ALDH1A2: variants seen among roughly 807,000 people sequenced by gnomAD.
The protein encoded by ALDH1A2 is retinal dehydrogenase 2.
Under a neutral mutation model 60.3 loss-of-function variants are expected in ALDH1A2, and 27 were observed. The ratio of observed to expected loss-of-function variants is 0.45; its 90% CI spans 0.33 to 0.62. The LOEUF (loss-of-function observed/expected upper bound fraction) is 0.62. Ranked by LOEUF, ALDH1A2 falls within the 20% of genes least tolerant of loss-of-function variation. The pLI is 0.02. For missense variants in ALDH1A2, 581 were observed against 643.8 expected, an observed-to-expected ratio of 0.90 and a Z score of 1.06; for synonymous variants, 289 against 232.4, an observed-to-expected ratio of 1.24 and a Z score of -2.21.
chr15:58,052,461 A>T (rs1896798917), intron 1 of ALDH1A2, among the ~76,000 whole-genome samples: 1 of 151,904 alleles, frequency 6.6e-6, no homozygotes, highest in Non-Finnish European at 1.5e-5. Flanking sequence ...ACCAGGATTT[A>T]TTTTTTATTT....
At chr15:58,006,902 T>C (rs1177300983) in intron 4 of ALDH1A2, among the ~76,000 whole-genome samples, 2 of 151,272 alleles carry the variant, frequency 1.3e-5, no homozygotes, top group Non-Finnish European at 3.0e-5. Flanking sequence ...GTCTGTTTAG[T>C]GCCACATTTT....
At chr15:57,990,800 T>G (rs924455067) in intron 7 of ALDH1A2, among the ~76,000 whole-genome samples, 1 of 136,730 alleles carries the variant, frequency 7.3e-6, no homozygotes, top group Admixed American at 8.5e-5. Context: ...CGCTTGAACC[T>G]GGGGGGCGGA....
intron 1 of ALDH1A2, among the ~76,000 whole-genome samples, chr15:58,024,783 AT>A (rs1896032282): frequency 6.6e-6 from 1 of 152,204 alleles, no homozygotes; most frequent in South Asian, 2.1e-4. Flanking sequence ...AGAACAGACC[AT>A]ATGTTGGACC....
rs114474932 is a variant in ALDH1A2 at position 57,992,739 on chromosome 15, C to T, written c.764G>A (p.Gly255Asp). The T allele has an allele frequency of 1.3e-4, 217 of 1,614,142 alleles. No individual in the cohort carries two copies. The East Asian group carries it at 4.8e-3, about 35-fold the overall frequency. Residue 255 changes from glycine (G) to aspartate (D), a missense_variant, in exon 7 of 13, where the codon GGC becomes GAC. By Grantham distance (94) the Gly-to-Asp change is moderately conservative. Transcript: ENST00000249750. ...CCCTGTGAATGCAATCTTGTCTATG[C>T]CAATGTGAGAAGCTATTGCTGCCCC... Reference protein sequence around the residue: ...TAGAAIASHIGIDKIAFTGST... With the variant: ...TAGAAIASHIDIDKIAFTGST...
intron 7 of ALDH1A2, chr15:57,980,418 G>T: frequency 5.5e-6 from 2 of 360,738 alleles, no homozygotes; most frequent in South Asian, 2.8e-5. Context: ...TGCATGGAGT[G>T]GTTGATCTTG....
chr15:58,061,595 C>CAAAAAAAAAAAAAAAAAAAAAAAAAA (rs879500544), intron 1 of ALDH1A2, among the ~76,000 whole-genome samples: 5 of 43,328 alleles, frequency 1.2e-4, no homozygotes, highest in Non-Finnish European at 2.0e-4. Context: ...CTCCTTCCCT[C>CAAAAAAAAAAAAAAAAAAAAAAAAAA]AAAAAAAAAA....
intron 4 of ALDH1A2, among the ~76,000 whole-genome samples, 184 bp downstream of exon 4, chr15:58,010,465 T>C (rs1382182691): frequency 6.6e-6 from 1 of 152,188 alleles, no homozygotes; most frequent in Non-Finnish European, 1.5e-5. Flanking sequence ...TATATATTTC[T>C]ATCTATAGAA....
At chr15:58,000,409 G>A (rs1163840728) in intron 4 of ALDH1A2, among the ~76,000 whole-genome samples, 2 of 151,812 alleles carry the variant, frequency 1.3e-5, no homozygotes, top group African/African-American at 2.4e-5. Context: ...TCTAAATCAG[G>A]GTTACCGTAA....
At chr15:57,976,365 T>G (rs1203197519) in intron 7 of ALDH1A2, among the ~76,000 whole-genome samples, 5 of 152,140 alleles carry the variant, frequency 3.3e-5, no homozygotes, top group Admixed American at 6.5e-5. Context: ...CCATGGTGGT[T>G]TGCTGCACCC....
At chr15:57,987,214 A>G (rs994478260) in intron 7 of ALDH1A2, among the ~76,000 whole-genome samples, 1 of 152,152 alleles carries the variant, frequency 6.6e-6, no homozygotes, top group Middle Eastern at 3.2e-3. Context: ...ATGACCTAAC[A>G]TATCTGTAAA....
At chr15:57,969,625 G>GA (rs1893997560) in intron 7 of ALDH1A2, among the ~76,000 whole-genome samples, 1 of 152,204 alleles carries the variant, frequency 6.6e-6, no homozygotes, top group South Asian at 2.1e-4. Flanking sequence ...CAAGTTAATA[G>GA]AGCTGTACTT....
At chr15:58,019,638 G>C (rs544918063) in intron 1 of ALDH1A2, among the ~76,000 whole-genome samples, 3 of 152,282 alleles carry the variant, frequency 2.0e-5, no homozygotes, top group South Asian at 4.1e-4. Context: ...AGGTTTCTCA[G>C]AGGTTGGAGG....
chr15:58,005,609 T>C (rs1164959221), intron 4 of ALDH1A2, among the ~76,000 whole-genome samples: 2 of 152,006 alleles, frequency 1.3e-5, no homozygotes, highest in Non-Finnish European at 2.9e-5. Flanking sequence ...TTTCTTCCCA[T>C]TCTTTTTGGT....
chr15:58,058,486 A>T (rs1304356833), intron 1 of ALDH1A2, among the ~76,000 whole-genome samples: 1 of 150,308 alleles, frequency 6.7e-6, no homozygotes, highest in Non-Finnish European at 1.5e-5. Flanking sequence ...AAAAAAAAAA[A>T]CCTAAGAGTC....
chr15:57,999,604 C>T (rs903263498), intron 4 of ALDH1A2, among the ~76,000 whole-genome samples: 2 of 151,746 alleles, frequency 1.3e-5, no homozygotes, highest in Admixed American at 1.3e-4. Flanking sequence ...TTTACATTCC[C>T]ACTGTTGGTG....
Position 57,964,046 on chromosome 15 carries a change from G to A in ALDH1A2, c.925C>T (p.His309Tyr). The A allele has an allele frequency of 6.2e-7, 1 of 1,614,116 alleles. No individual in the cohort carries two copies. The highest frequency in any genetic ancestry group is 1.3e-5 in the African/African-American group (1 of 75,044). Residue 309 changes from histidine to tyrosine, a missense_variant, in exon 9 of 13, where the codon CAC becomes TAC. Around this residue, in one of 2 missense-constraint regions of ALDH1A2, gnomAD observed 375 missense variants for 469.7 expected, o/e 0.80. Coordinates refer to ENST00000249750, the MANE Select transcript of ALDH1A2 (RefSeq NM_003888.4). Reference protein sequence around the residue: ...ADLDYAVEQAHQGVFFNQGQC... With the variant: ...ADLDYAVEQAYQGVFFNQGQC... ...CCTTGATTGAAGAACACACCCTGGT[G>A]GGCCTGCTCCACAGCATAGTCCACT...
At chr15:57,982,923 T>A (rs776251830) in intron 7 of ALDH1A2, among the ~76,000 whole-genome samples, 11 of 152,078 alleles carry the variant, frequency 7.2e-5, no homozygotes, top group Non-Finnish European at 1.3e-4. Flanking sequence ...CTACCAAGAG[T>A]TAACGACCCT....
At chr15:57,974,107 A>G (rs1894160563) in intron 7 of ALDH1A2, among the ~76,000 whole-genome samples, 1 of 152,224 alleles carries the variant, frequency 6.6e-6, no homozygotes, top group South Asian at 2.1e-4. Context: ...GCGATGCAAC[A>G]GTCACACAGA....
chr15:58,013,780 A>G, intron 3 of ALDH1A2, 78 bp downstream of exon 3: 1 of 1,539,314 alleles, frequency 6.5e-7, no homozygotes, highest in Non-Finnish European at 8.8e-7. Context: ...AAATAAAATA[A>G]AATACAGCCG....
Sources: gnomAD v4.1 joint callset for allele counts (sites outside exome capture counted in the v4.1 genomes callset) on GRCh38, gnomAD v4.1.1 for gene constraint, gnomAD v4.1.1 regional missense constraint, MANE v1.5 for transcripts, NCBI Gene and HGNC (gene_info 2026-07-23, HGNC 2026-07-21) for gene names.